Variants in ITIH3 observed in about 807,000 individuals in gnomAD.
ITIH3 encodes inter-alpha-trypsin inhibitor heavy chain H3.
In ITIH3, 81 loss-of-function variants were observed where a neutral mutation model predicts 96.5. That is an observed-to-expected ratio of 0.84 (90% CI 0.70 to 1.01). The LOEUF (loss-of-function observed/expected upper bound fraction) is 1.01, where lower values mean the gene tolerates loss of function less well. Ranked by LOEUF, ITIH3 falls within the 50% of genes least tolerant of loss-of-function variation. ITIH3 has a pLI of 0.00. For missense variants in ITIH3, 1,057 were observed against 1,139.3 expected, an observed-to-expected ratio of 0.93 and a Z score of 1.04; for synonymous variants, 422 against 445.2, an observed-to-expected ratio of 0.95 and a Z score of 0.66.
In ITIH3 at chr3:52,799,484, A is replaced by G. The variant is rs752507403; in HGVS notation, c.902A>G (p.Glu301Gly). Residue 301 changes from glutamate (E) to glycine (G), a missense_variant, in exon 8 of 22, where the codon GAG (glutamate) becomes GGG (glycine). Transcript: ENST00000449956. The part of the protein sequence containing the change: ...ISGSMAGRKL[E>G]QTKEALLRIL... The stretch of plus-strand genomic sequence containing the variant: ...GGCTCCATGGCTGGTCGGAAATTAG[A>G]GCAGGTAATCAGCACCAGTGGCACA... 6.2e-7 allele frequency: 1 copy of G among 1,605,786 alleles called. No individual in the cohort carries two copies.
chr3:52,800,508 C>T, intron 9 of ITIH3, 30 bp from the exon 10 acceptor site: 1 of 1,550,342 alleles, frequency 6.5e-7, no homozygotes, highest in Non-Finnish European at 8.7e-7. Flanking sequence ...TGAGGACACC[C>T]TCCCACGGTG....
intron 15 of ITIH3, 125 bp from the exon 16 acceptor site, chr3:52,805,683 T>A: frequency 6.5e-7 from 1 of 1,533,944 alleles, no homozygotes; most frequent in Non-Finnish European, 8.8e-7. Flanking sequence ...TAGTCACATC[T>A]CCACCTCTAT....
intron 1 of ITIH3, 22 bp downstream of exon 1, chr3:52,794,918 CA>C (rs778956898): frequency 5.7e-6 from 9 of 1,592,484 alleles, no homozygotes; most frequent in Admixed American, 1.7e-5. Context: ...CCCTCTTTGC[CA>C]TCTGGGTCTT....
At position 52,803,875 on chromosome 3, in the gene ITIH3, A is replaced by C; in HGVS notation, c.1730A>C (p.Glu577Ala). The C allele has an allele frequency of 6.2e-7, 1 of 1,613,994 alleles. No homozygotes were observed. The highest frequency in any genetic ancestry group is 8.5e-7 in the Non-Finnish European group (1 of 1,179,884). The part of the protein sequence containing the change: ...LEKRKNAHGE[E>A]KENLTARALD... ...CACAGCAAGAACGCCCATGGCGAGGAGAAGGAGAACCTCACGGCCCGGGCC... is the reference window on the plus strand; with the variant it reads ...CACAGCAAGAACGCCCATGGCGAGGCGAAGGAGAACCTCACGGCCCGGGCC... The change falls in exon 14 of 22, where the codon GAG becomes GCG. Residue 577 changes from glutamate (E) to alanine (A), a missense_variant. By Grantham distance (107) the Glu-to-Ala change is moderately radical (BLOSUM62 -1). Coordinates refer to ENST00000449956, the MANE Select transcript of ITIH3 (RefSeq NM_002217.4).
Position 52,799,776 on chromosome 3 carries a change from C to A in ITIH3, c.930C>A (p.Ile310=). The change falls in exon 9 of 22, where the codon ATC becomes ATA. Residue 310 remains isoleucine, a synonymous_variant. Coordinates refer to ENST00000449956, the MANE Select transcript of ITIH3 (RefSeq NM_002217.4). ...LEQTKEALLR[I]LEDMQEEDYL... Reference sequence around the variant, plus strand: ...AGACAAAGGAGGCCCTTCTCAGAATCCTGGAAGATATGCAAGAGGAAGACT... The same window carrying A: ...AGACAAAGGAGGCCCTTCTCAGAATACTGGAAGATATGCAAGAGGAAGACT... The A allele has an allele frequency of 6.2e-7, 1 of 1,613,166 alleles. No homozygotes were observed. Among genetic ancestry groups the A allele is most frequent in the Non-Finnish European group, 8.5e-7 (1 of 1,179,554 alleles).
chr3:52,797,382 T>G, intron 5 of ITIH3, 115 bp downstream of exon 5: 3 of 1,109,054 alleles, frequency 2.7e-6, no homozygotes, highest in Non-Finnish European at 3.9e-6. Flanking sequence ...GCATCCCCCA[T>G]CCTTGGCTGG....
intron 11 of ITIH3, among the ~76,000 whole-genome samples, chr3:52,801,931 G>A (rs955653242): frequency 3.9e-5 from 6 of 152,034 alleles, no homozygotes; most frequent in African/African-American, 9.7e-5. Context: ...TCTGCAGGGC[G>A]ACCACCCCAT....
chr3:52,800,501 G>A (rs1288479884), intron 9 of ITIH3, 37 bp from the exon 10 acceptor site: 8 of 1,550,408 alleles, frequency 5.2e-6, no homozygotes, highest in Non-Finnish European at 7.0e-6. Flanking sequence ...GGCACCCTGA[G>A]GACACCCTCC....
chr3:52,798,956 C>T lies in ITIH3; in HGVS notation c.664-10C>T. 1 of 1,612,350 alleles carries T rather than the reference C, an allele frequency of 6.2e-7. No individual in the cohort carries two copies. The highest frequency in any genetic ancestry group is 8.5e-7 in the Non-Finnish European group (1 of 1,179,250). Reference sequence around the variant, plus strand: ...CGAGCTGAGCAAGGTCTTTCATCTCCATCCCTTAGGGCCATGTGTCCTTCA... The same window carrying T: ...CGAGCTGAGCAAGGTCTTTCATCTCTATCCCTTAGGGCCATGTGTCCTTCA... On this transcript the variant is annotated splice_polypyrimidine_tract_variant and intron_variant, in intron 6 of 21. Coordinates refer to ENST00000449956, the MANE Select transcript of ITIH3 (RefSeq NM_002217.4).
intron 1 of ITIH3, among the ~76,000 whole-genome samples, chr3:52,795,328 G>A (rs1699537951): frequency 6.6e-6 from 1 of 152,198 alleles, no homozygotes; most frequent in Non-Finnish European, 1.5e-5. Context: ...GGGCATGTAG[G>A]GTGTGAAGAG....
In ITIH3 at chr3:52,794,871, C is replaced by G; in HGVS notation, c.68C>G (p.Pro23Arg). 1.2e-6 allele frequency: 2 copies of G among 1,613,938 alleles called. No individual in the cohort carries two copies. Among genetic ancestry groups the G allele is most frequent in the Non-Finnish European group, 1.7e-6 (2 of 1,179,860 alleles). Residue 23 changes from proline to arginine, a missense_variant, in exon 1 of 22, where the codon CCG becomes CGG. Coordinates refer to ENST00000449956, the MANE Select transcript of ITIH3 (RefSeq NM_002217.4). The stretch of plus-strand genomic sequence containing the variant: ...TCCAGCTTGGCAGCCTCTGGCTTCC[C>G]GAGAAGCCCCTTTCGGCTGCTTGGG... Reference protein sequence around the residue: ...LLSSLAASGFPRSPFRLLGKR... With the variant: ...LLSSLAASGFRRSPFRLLGKR...
At position 52,803,927 on chromosome 3, in the gene ITIH3, T is replaced by C. The variant is rs1699945621; in HGVS notation, c.1782T>C (p.Phe594=). The change falls in exon 14 of 22, where the codon TTT becomes TTC. Residue 594 remains phenylalanine (F), a synonymous_variant. Transcript: ENST00000449956. ...TGGACCTGTCCCTCAAGTATCACTT[T>C]GTGACTCCACTGACCTCAATGGTGG... ...RALDLSLKYH[F]VTPLTSMVVT... The C allele has an allele frequency of 6.2e-7, 1 of 1,613,960 alleles. No individual in the cohort carries two copies. Among genetic ancestry groups the C allele is most frequent in the South Asian group, 1.1e-5 (1 of 91,062 alleles).
rs752773068 is a variant in ITIH3 at position 52,801,131 on chromosome 3, C to T, written c.1368C>T (p.Ala456=). ...GGCGCATTTATGAGGACTCTGATGCCGATTTGCAGTTGCAGGTATGCCTTG... is the reference window on the plus strand; with the variant it reads ...GGCGCATTTATGAGGACTCTGATGCTGATTTGCAGTTGCAGGTATGCCTTG... The part of the protein sequence containing the change: ...FARRIYEDSD[A]DLQLQGFYEE... The change falls in exon 11 of 22, where the codon GCC becomes GCT. Residue 456 remains alanine, a synonymous_variant. Transcript: ENST00000449956. The T allele has an allele frequency of 1.3e-5, 20 of 1,578,422 alleles. No homozygotes were observed. Among genetic ancestry groups the T allele is most frequent in the Admixed American group, 1.8e-5 (1 of 56,436 alleles).
chr3:52,799,052 C>T lies in ITIH3; in HGVS notation c.750C>T (p.Ile250=). The T allele has an allele frequency of 1.9e-6, 3 of 1,613,546 alleles. No homozygotes were observed. Among genetic ancestry groups the T allele is most frequent in the Non-Finnish European group, 2.5e-6 (3 of 1,179,704 alleles). The change falls in exon 7 of 22, where the codon ATC becomes ATT. Residue 250 remains isoleucine (I), a synonymous_variant. Transcript: ENST00000449956. ...CCCTCCTCAATGGAGATTTCACTATCACCTATGACGTGAACAGAGAATCTC... is the reference window on the plus strand; with the variant it reads ...CCCTCCTCAATGGAGATTTCACTATTACCTATGACGTGAACAGAGAATCTC... The part of the protein sequence containing the change: ...TDSLLNGDFT[I]TYDVNRESPG...
At chr3:52,802,156 G>A (rs915037639) in intron 11 of ITIH3, 178 bp from the exon 12 acceptor site, 129 of 575,938 alleles carry the variant, frequency 2.2e-4, no homozygotes, top group South Asian at 2.9e-4. Context: ...GTGTCTATCT[G>A]GGAGCAGGGA....
chr3:52,807,981 G>T (rs558607107), intron 20 of ITIH3, 65 bp downstream of exon 20: 2 of 1,577,306 alleles, frequency 1.3e-6, no homozygotes, highest in East Asian at 4.5e-5. Flanking sequence ...CATACACAAG[G>T]CCTTCCTAGG....
Position 52,799,781 on chromosome 3 carries a change from A to T in ITIH3, c.935A>T (p.Glu312Val), listed in dbSNP as rs1392692743. Reference protein sequence around the residue: ...QTKEALLRILEDMQEEDYLNF... With the variant: ...QTKEALLRILVDMQEEDYLNF... Reference sequence around the variant, plus strand: ...AAGGAGGCCCTTCTCAGAATCCTGGAAGATATGCAAGAGGAAGACTATCTG... The same window carrying T: ...AAGGAGGCCCTTCTCAGAATCCTGGTAGATATGCAAGAGGAAGACTATCTG... Residue 312 changes from glutamate (E) to valine (V), a missense_variant, in exon 9 of 22, where the codon GAA becomes GTA. Glu to Val is a moderately radical substitution (Grantham distance 121, BLOSUM62 -2). Coordinates refer to ENST00000449956, the MANE Select transcript of ITIH3 (RefSeq NM_002217.4). 4.3e-6 allele frequency: 7 copies of T among 1,613,418 alleles called. No homozygotes were observed. The highest frequency in any genetic ancestry group is 5.9e-6 in the Non-Finnish European group (7 of 1,179,642).
In ITIH3 at chr3:52,802,664, T is replaced by C. The variant is rs1158557050; in HGVS notation, c.1570-3T>C. 1.2e-6 allele frequency: 2 copies of C among 1,613,644 alleles called. No homozygotes were observed. The highest frequency in any genetic ancestry group is 1.3e-5 in the African/African-American group (1 of 74,860). ...CCCTTGCCTCCTTCTACCCCCACCC[T>C]AGGCCACCAACGACCTGACCTTCAC... On this transcript the variant is annotated splice_polypyrimidine_tract_variant and splice_region_variant and intron_variant, in intron 12 of 21. Transcript: ENST00000449956.
intron 11 of ITIH3, 134 bp from the exon 12 acceptor site, chr3:52,802,200 C>T (rs1284622766): frequency 1.4e-5 from 12 of 883,660 alleles, no homozygotes; most frequent in Admixed American, 2.8e-5. Context: ...GACTGAAGGA[C>T]GCAGTCAGGG....
Sources: allele counts gnomAD v4.1 joint callset (sites outside exome capture counted in the v4.1 genomes callset), GRCh38; gene constraint gnomAD v4.1.1; transcripts MANE v1.5; gene names NCBI Gene and HGNC (gene_info 2026-07-23, HGNC 2026-07-21).